Variants in TEAD3 observed in about 807,000 individuals in gnomAD.
TEAD3 encodes the protein transcriptional enhancer factor TEF-5.
Under a neutral mutation model 55.6 loss-of-function variants are expected in TEAD3, and 15 were observed. The ratio of observed to expected loss-of-function variants is 0.27; its 90% CI spans 0.18 to 0.42. The LOEUF is 0.42. Ranked by LOEUF, TEAD3 falls within the 10% of genes least tolerant of loss-of-function variation. The probability of loss-of-function intolerance (pLI) is 1.00; values close to 1 mark genes in which losing one functional copy is unlikely to be tolerated. For synonymous variants in TEAD3, 210 were observed against 232.2 expected (o/e 0.90, Z 0.87); for missense variants, 407 against 576.8 (o/e 0.71, Z 3.01).
rs1190328120 is a variant in TEAD3 at position 35,496,359 on chromosome 6, G to T, written c.-50+539C>A. ...ACACACGGCCGGGGCGCGCGGCTTT[G>T]GTCCCAGACACCCTCCACAACCCAG... On this transcript the variant is annotated intron_variant, in intron 1 of 12. Transcript: ENST00000639578. The surrounding 1 kb of genome is among the most constrained non-coding windows in gnomAD (Gnocchi z 4.8). Among the ~76,000 whole-genome samples, 3 of 152,106 alleles carry T rather than the reference G, an allele frequency of 2.0e-5. No individual in the cohort carries two copies. Among genetic ancestry groups the T allele is most frequent in the Admixed American group, 6.5e-5 (1 of 15,268 alleles).
intron 3 of TEAD3, among the ~76,000 whole-genome samples, chr6:35,482,732 C>T (rs1341900669): frequency 6.6e-6 from 1 of 151,984 alleles, no homozygotes; most frequent in Non-Finnish European, 1.5e-5. Context: ...GCCAACATCG[C>T]GAGACCCCAT....
chr6:35,493,642 C>T (rs1338422781), intron 1 of TEAD3, among the ~76,000 whole-genome samples: 1 of 152,238 alleles, frequency 6.6e-6, no homozygotes, highest in African/African-American at 2.4e-5. Flanking sequence ...TGTAGTGTCA[C>T]ATGTAAGTCA....
At chr6:35,487,660 T>C (rs1581727588) in intron 1 of TEAD3, among the ~76,000 whole-genome samples, 2 of 150,880 alleles carry the variant, frequency 1.3e-5, no homozygotes, top group South Asian at 2.1e-4. Flanking sequence ...GAGGCAGAGG[T>C]TGCAGTGAGT....
chr6:35,477,419 C>G (rs751313977), intron 7 of TEAD3, 47 bp from the exon 8 acceptor site: 4 of 1,554,940 alleles, frequency 2.6e-6, no homozygotes, highest in Non-Finnish European at 3.5e-6. Flanking sequence ...TCTTCCCTAC[C>G]TTCCACCTGG....
chr6:35,475,258 A>G lies in TEAD3; in HGVS notation c.1194+78T>C. Reference sequence around the variant, plus strand: ...TCTCCTTTCCGGATCTATGCCTCTCAGCCAAGCGATGTGTCTGGCTACCCA... The same window carrying G: ...TCTCCTTTCCGGATCTATGCCTCTCGGCCAAGCGATGTGTCTGGCTACCCA... On this transcript the variant is annotated intron_variant, in intron 12 of 12. Coordinates refer to ENST00000639578, the Ensembl canonical transcript of TEAD3. This position sits in a 1 kb window ranked among gnomAD's most constrained non-coding sequence, Gnocchi z 5.4. 1 of 1,603,972 alleles carries G rather than the reference A, an allele frequency of 6.2e-7. No homozygotes were observed. The highest frequency in any genetic ancestry group is 8.5e-7 in the Non-Finnish European group (1 of 1,174,066).
Position 35,484,234 on chromosome 6 carries a change from C to T in TEAD3, c.267+326G>A, listed in dbSNP as rs887181454. Among the ~76,000 whole-genome samples the T allele has an allele frequency of 7.2e-5, 11 of 152,164 alleles. No individual in the cohort carries two copies. The highest frequency in any genetic ancestry group is 1.5e-4 in the Non-Finnish European group (10 of 68,036). Reference sequence around the variant, plus strand: ...CTGGCTCCCTGGCTGGTGAGTGAGCCACTCAGGGCAGGGACCATGTAGCAG... The same window carrying T: ...CTGGCTCCCTGGCTGGTGAGTGAGCTACTCAGGGCAGGGACCATGTAGCAG... On this transcript the variant is annotated intron_variant, in intron 3 of 12. Coordinates refer to ENST00000639578, the Ensembl canonical transcript of TEAD3. The surrounding 1 kb of genome is among the most constrained non-coding windows in gnomAD (Gnocchi z 5.8).
At chr6:35,478,512 G>T in exon 6 of TEAD3, 2 of 1,609,600 alleles carry the variant, frequency 1.2e-6, no homozygotes, top group Non-Finnish European at 8.5e-7. Flanking sequence ...TGGCAGAGAC[G>T]ATCTGGGCAG....
chr6:35,493,416 C>T (rs1453099938), intron 1 of TEAD3, among the ~76,000 whole-genome samples: 1 of 152,120 alleles, frequency 6.6e-6, no homozygotes, highest in Non-Finnish European at 1.5e-5. Context: ...CCACACTACC[C>T]GAGAGTCCCA....
intron 1 of TEAD3, among the ~76,000 whole-genome samples, chr6:35,487,730 A>C (rs371994326): frequency 3.4e-4 from 52 of 152,122 alleles, no homozygotes; most frequent in African/African-American, 1.1e-3. Context: ...TCAAAAAAAA[A>C]CAAAACAAAA....
Position 35,486,576 on chromosome 6 carries a change from GTTGTCCAGCCCC to G in TEAD3, c.75_86del (p.Lys25_Asp28del). 6.2e-7 allele frequency: 1 copy of G among 1,613,574 alleles called. No homozygotes were observed. Among genetic ancestry groups the G allele is most frequent in the East Asian group, 2.2e-5 (1 of 44,874 alleles). On this transcript the variant is annotated inframe_deletion, in exon 2 of 13. Coordinates refer to ENST00000639578, the Ensembl canonical transcript of TEAD3. This position sits in a 1 kb window ranked among gnomAD's most constrained non-coding sequence, Gnocchi z 7.3. ...CCGGGCTCCACACGCCCTCCGCATCGTTGTCCAGCCCCTTGTCCAGGCCCTCGGGCCCATCCT... is the reference window on the plus strand; with the variant it reads ...CCGGGCTCCACACGCCCTCCGCATCGTTGTCCAGGCCCTCGGGCCCATCCT...
rs181538699 is a variant in TEAD3, at chr6:35,491,265, G to T, written c.-49-4554C>A. ...ACAGACTGACAGACAGAGCCGGTGG[G>T]GGGTGAAGGGAGAAGGGGAGAAGGA... On this transcript the variant is annotated intron_variant, in intron 1 of 12. Coordinates refer to ENST00000639578, the Ensembl canonical transcript of TEAD3. This position sits in a 1 kb window ranked among gnomAD's most constrained non-coding sequence, Gnocchi z 4.4. Among the ~76,000 whole-genome samples, 231 of 151,732 alleles carry T rather than the reference G, an allele frequency of 1.5e-3. 2 individuals carry two copies. Among genetic ancestry groups the T allele is most frequent in the African/African-American group, 5.3e-3 (218 of 41,290 alleles).
chr6:35,486,091 G>A lies in TEAD3; in HGVS notation c.202+370C>T, dbSNP rs1476969090. ...AACTATACGGGCTGTGGGAGTCACC[G>A]GGCGACTATCACCGGGCCTCCTTTC... On this transcript the variant is annotated intron_variant, in intron 2 of 12. Transcript: ENST00000639578. The surrounding 1 kb of genome is among the most constrained non-coding windows in gnomAD (Gnocchi z 7.3). Among the ~76,000 whole-genome samples, 2 of 152,178 alleles carry A rather than the reference G, an allele frequency of 1.3e-5. No individual in the cohort carries two copies. The highest frequency in any genetic ancestry group is 4.8e-5 in the African/African-American group (2 of 41,460).
chr6:35,484,532 G>A lies in TEAD3; in HGVS notation c.267+28C>T, dbSNP rs748350973. The A allele has an allele frequency of 1.9e-6, 3 of 1,584,322 alleles. No individual in the cohort carries two copies. Among genetic ancestry groups the A allele is most frequent in the Admixed American group, 1.8e-5 (1 of 55,736 alleles). ...GCAGCTGAGACAGAGTGTGTGGGTGGCAGGCCCAGCATAAACCGTCTCTCT... is the reference window on the plus strand; with the variant it reads ...GCAGCTGAGACAGAGTGTGTGGGTGACAGGCCCAGCATAAACCGTCTCTCT... On this transcript the variant is annotated intron_variant, in intron 3 of 12. Coordinates refer to ENST00000639578, the Ensembl canonical transcript of TEAD3. The surrounding 1 kb of genome is among the most constrained non-coding windows in gnomAD (Gnocchi z 5.8).
chr6:35,477,847 TTC>T (rs1466922827), intron 7 of TEAD3, among the ~76,000 whole-genome samples: 2 of 151,908 alleles, frequency 1.3e-5, no homozygotes, highest in African/African-American at 4.8e-5. Context: ...GCTTTTTTTT[TTC>T]TTTTTTCAGA....
In TEAD3 at chr6:35,496,037, G is replaced by A. The variant is rs559193356; in HGVS notation, c.-50+861C>T. 3.2e-4 allele frequency among the ~76,000 whole-genome samples: 48 copies of A among 152,310 alleles called. No homozygotes were observed. Among genetic ancestry groups the A allele is most frequent in the African/African-American group, 9.6e-4 (40 of 41,570 alleles). On this transcript the variant is annotated intron_variant, in intron 1 of 12. Coordinates refer to ENST00000639578, the Ensembl canonical transcript of TEAD3. The surrounding 1 kb of genome is among the most constrained non-coding windows in gnomAD (Gnocchi z 4.8). ...GCGGGGTCTCAATGACACTGCCCCA[G>A]GGCCCAGCTGGGCTGGAAAACAGAT... is the stretch of plus-strand genomic sequence containing the variant.
intron 3 of TEAD3, 91 bp downstream of exon 4, chr6:35,480,221 C>A (rs1373186981): frequency 2.6e-6 from 4 of 1,561,624 alleles, no homozygotes; most frequent in Non-Finnish European, 3.5e-6. Context: ...GGCTGGAGAG[C>A]TGGCCAAGGA....
chr6:35,491,494 C>T lies in TEAD3; in HGVS notation c.-49-4783G>A, dbSNP rs1768518668. On this transcript the variant is annotated intron_variant, in intron 1 of 12. Transcript: ENST00000639578. This position sits in a 1 kb window ranked among gnomAD's most constrained non-coding sequence, Gnocchi z 4.4. ...AGAGGGAGGGAGTGACAAGGGAGGC[C>T]ACTGCCAGGGGCTGGGGCTGGCCAC... Among the ~76,000 whole-genome samples, 1 of 152,092 alleles carries T rather than the reference C, an allele frequency of 6.6e-6. No homozygotes were observed. Among genetic ancestry groups the T allele is most frequent in the Admixed American group, 6.5e-5 (1 of 15,284 alleles).
At chr6:35,480,190 G>C in intron 3 of TEAD3, 122 bp downstream of exon 4, 1 of 1,552,486 alleles carries the variant, frequency 6.4e-7, no homozygotes, top group Non-Finnish European at 8.7e-7. Flanking sequence ...CAGAGCTTCA[G>C]CCAGAAAAGA....
At chr6:35,489,464 G>A (rs1268734971) in intron 1 of TEAD3, among the ~76,000 whole-genome samples, 1 of 152,174 alleles carries the variant, frequency 6.6e-6, no homozygotes, top group Non-Finnish European at 1.5e-5. Flanking sequence ...CCCTAAGTCT[G>A]CCCAGGAGGT....
Sources: gnomAD v4.1 joint callset for allele counts (sites outside exome capture counted in the v4.1 genomes callset) on GRCh38, gnomAD v4.1.1 for gene constraint, Gnocchi (gnomAD v3.1) non-coding constraint, MANE v1.5 for transcripts, NCBI Gene and HGNC (gene_info 2026-07-23, HGNC 2026-07-21) for gene names.